INPP4B: variants seen among roughly 807,000 people sequenced by gnomAD.
INPP4B encodes inositol polyphosphate-4-phosphatase type II B, also known as inositol polyphosphate 4-phosphatase type II.
Under a neutral mutation model 122.5 loss-of-function variants are expected in INPP4B, and 55 were observed. The ratio of observed to expected loss-of-function variants is 0.45; its 90% CI spans 0.36 to 0.56. The LOEUF (loss-of-function observed/expected upper bound fraction) is 0.56. INPP4B is among the 20% of genes least tolerant of loss of function. The pLI is 0.00. For missense variants in INPP4B, 1,000 were observed against 1,097.7 expected, an observed-to-expected ratio of 0.91 and a Z score of 1.26; for synonymous variants, 403 against 388.7, an observed-to-expected ratio of 1.04 and a Z score of -0.43.
intron 2 of INPP4B, among the ~76,000 whole-genome samples, chr4:142,466,318 C>G (rs534981874): frequency 6.6e-6 from 1 of 152,116 alleles, no homozygotes; most frequent in Non-Finnish European, 1.5e-5. Flanking sequence ...TAAAAGTCAC[C>G]CTTCTCAATC....
At chr4:142,183,051 C>G (rs542491924) in intron 15 of INPP4B, among the ~76,000 whole-genome samples, 5 of 152,158 alleles carry the variant, frequency 3.3e-5, no homozygotes, top group Non-Finnish European at 7.3e-5. Flanking sequence ...TTGCTCCCTG[C>G]CCAGCCTAAC....
At chr4:142,717,124 AGATTAC>A (rs1763879322) in intron 2 of INPP4B, among the ~76,000 whole-genome samples, 1 of 152,200 alleles carries the variant, frequency 6.6e-6, no homozygotes, top group Non-Finnish European at 1.5e-5. Flanking sequence ...TAAAATGTAT[AGATTAC>A]CAAATGTAAA....
At chr4:142,453,800 T>C (rs542697352) in intron 3 of INPP4B, among the ~76,000 whole-genome samples, 1 of 152,054 alleles carries the variant, frequency 6.6e-6, no homozygotes, top group South Asian at 2.1e-4. Context: ...GAGCAAAAAA[T>C]GAAAAATAAA....
At position 142,394,138 on chromosome 4, in the gene INPP4B, G is replaced by T. The variant is rs541883190; in HGVS notation, c.372+8800C>A. 7.9e-4 allele frequency among the ~76,000 whole-genome samples: 120 copies of T among 151,488 alleles called. 1 individual carries two copies. In the Middle Eastern group the frequency reaches 0.01, roughly 13 times the overall value. On this transcript the variant is annotated intron_variant, in intron 7 of 25. Transcript: ENST00000262992. ...AAAGTTCACTTTTCTGTTTTGTGTG[G>T]TTTTTTTTGTTTGTTTGTTTGTTTT...
At chr4:142,494,338 G>GATA (rs1197992350) in intron 2 of INPP4B, among the ~76,000 whole-genome samples, 1 of 152,098 alleles carries the variant, frequency 6.6e-6, no homozygotes, top group African/African-American at 2.4e-5. Context: ...AAACACTATA[G>GATA]ATAATATTAT....
In INPP4B at chr4:142,750,563, A is replaced by G. The variant is rs1319147044; in HGVS notation, c.-253-24662T>C. 3.9e-5 allele frequency among the ~76,000 whole-genome samples: 6 copies of G among 152,254 alleles called. No individual in the cohort carries two copies. The East Asian group carries it at 7.8e-4, about 20-fold the overall frequency. ...TGTCATGATATGTATGTAGATATATAGAAGAGGTTTCCACTAAGAAAGTGG... is the reference window on the plus strand; with the variant it reads ...TGTCATGATATGTATGTAGATATATGGAAGAGGTTTCCACTAAGAAAGTGG... On this transcript the variant is annotated intron_variant, in intron 1 of 25. Transcript: ENST00000262992.
chr4:142,814,598 T>G (rs1309631560), intron 1 of INPP4B, among the ~76,000 whole-genome samples: 3 of 152,078 alleles, frequency 2.0e-5, no homozygotes, highest in Non-Finnish European at 2.9e-5. Context: ...CCCATTTCAT[T>G]CATTTTGGCT....
At chr4:142,796,358 G>A (rs1037916793) in intron 1 of INPP4B, among the ~76,000 whole-genome samples, 4 of 152,050 alleles carry the variant, frequency 2.6e-5, no homozygotes, top group East Asian at 1.9e-4. Flanking sequence ...TAAAAGAATC[G>A]AGGGTTCGGC....
chr4:142,756,977 G>A (rs1770602819), intron 1 of INPP4B, among the ~76,000 whole-genome samples: 1 of 152,126 alleles, frequency 6.6e-6, no homozygotes. Flanking sequence ...GGTACATAAT[G>A]AATAGTGTTG....
In INPP4B at chr4:142,827,837, C is replaced by T. The variant is rs565349688; in HGVS notation, c.-254+18372G>A. On this transcript the variant is annotated intron_variant, in intron 1 of 25. Transcript: ENST00000262992. ...CAAGAACTATGTGCTAGATATTATG[C>T]TAAACACTAAGGAGATATTGGTGAA... Among the ~76,000 whole-genome samples, 57 of 152,254 alleles carry T rather than the reference C, an allele frequency of 3.7e-4. 1 individual carries two copies. The South Asian group carries it at 0.011, about 30-fold the overall frequency.
At chr4:142,215,985 G>A (rs1847085001) in intron 12 of INPP4B, among the ~76,000 whole-genome samples, 1 of 133,452 alleles carries the variant, frequency 7.5e-6, no homozygotes, top group Admixed American at 8.3e-5. Flanking sequence ...CCATTACAAA[G>A]CCTTTGGCAT....
chr4:142,406,227 G>A lies in INPP4B; in HGVS notation c.137-903C>T, dbSNP rs1050692057. On this transcript the variant is annotated intron_variant, in intron 5 of 25. Transcript: ENST00000262992. The stretch of plus-strand genomic sequence containing the variant: ...ACTAGAGGTGGTTCAAGTTAAATTC[G>A]GCTGGTGGCTTGCTGCAGGCTGGAG... Among the ~76,000 whole-genome samples, 5 of 152,178 alleles carry A rather than the reference G, an allele frequency of 3.3e-5. No individual in the cohort carries two copies. In the South Asian group the frequency reaches 1.0e-3, roughly 32 times the overall value.
At chr4:142,446,377 T>G (rs967014801) in intron 3 of INPP4B, among the ~76,000 whole-genome samples, 6 of 152,068 alleles carry the variant, frequency 3.9e-5, no homozygotes, top group Non-Finnish European at 8.8e-5. Context: ...CATCAATAAG[T>G]AAATATTTTA....
Position 142,410,492 on chromosome 4 carries a change from G to T in INPP4B, c.137-5168C>A, listed in dbSNP as rs146520534. On this transcript the variant is annotated intron_variant, in intron 5 of 25. Transcript: ENST00000262992. Reference sequence around the variant, plus strand: ...ACAAAGCAGTGGCCACAGGTGCGTGGGAATCAGTGAGGGGGATATGACAAG... The same window carrying T: ...ACAAAGCAGTGGCCACAGGTGCGTGTGAATCAGTGAGGGGGATATGACAAG... Among the ~76,000 whole-genome samples, 206 of 152,258 alleles carry T rather than the reference G, an allele frequency of 1.4e-3. 1 individual carries two copies. Among genetic ancestry groups the T allele is most frequent in the African/African-American group, 4.7e-3 (195 of 41,544 alleles).
At chr4:142,604,148 G>A (rs1229684000) in intron 2 of INPP4B, among the ~76,000 whole-genome samples, 1 of 152,122 alleles carries the variant, frequency 6.6e-6, no homozygotes, top group East Asian at 1.9e-4. Flanking sequence ...ATCAATAGAT[G>A]CAGAAAAGGC....
chr4:142,692,133 C>G (rs1420827906), intron 2 of INPP4B, among the ~76,000 whole-genome samples: 1 of 151,994 alleles, frequency 6.6e-6, no homozygotes, highest in Non-Finnish European at 1.5e-5. Flanking sequence ...CCAAGGGGAC[C>G]CTTCCACTTT....
intron 2 of INPP4B, among the ~76,000 whole-genome samples, chr4:142,715,408 C>T (rs185772942): frequency 3.2e-4 from 49 of 152,236 alleles, no homozygotes; most frequent in Admixed American, 1.4e-3. Context: ...AGTGGCTATC[C>T]GCTAGCATAG....
chr4:142,481,649 G>C (rs1257113762), intron 2 of INPP4B, among the ~76,000 whole-genome samples: 1 of 151,916 alleles, frequency 6.6e-6, no homozygotes, highest in Non-Finnish European at 1.5e-5. Flanking sequence ...AAACATATTG[G>C]CATGTGGCTA....
At chr4:142,546,006 T>A (rs1829607404) in intron 2 of INPP4B, among the ~76,000 whole-genome samples, 1 of 151,976 alleles carries the variant, frequency 6.6e-6, no homozygotes, top group Admixed American at 6.6e-5. Flanking sequence ...TCATGGGTGT[T>A]TTTTGTATAG....
Sources: allele counts gnomAD v4.1 joint callset (sites outside exome capture counted in the v4.1 genomes callset), GRCh38; gene constraint gnomAD v4.1.1; transcripts MANE v1.5; gene names NCBI Gene and HGNC (gene_info 2026-07-23, HGNC 2026-07-21).